THSD7B: variants seen among roughly 807,000 people sequenced by gnomAD.
THSD7B encodes thrombospondin type-1 domain-containing protein 7B.
In THSD7B, 138 loss-of-function variants were observed where a neutral mutation model predicts 213.6. The ratio of observed to expected loss-of-function variants is 0.65; its 90% CI spans 0.56 to 0.74. The LOEUF is 0.74. Ranked by LOEUF, THSD7B falls within the 30% of genes least tolerant of loss-of-function variation. The probability of loss-of-function intolerance (pLI) is 0.00; values close to 1 mark genes in which losing one functional copy is unlikely to be tolerated. For missense variants in THSD7B, 1,931 were observed against 1,991.5 expected (o/e 0.97, Z 0.58); for synonymous variants, 742 against 687.0 (o/e 1.08, Z -1.25).
At chr2:137,577,473 T>C (rs1681487560) in intron 17 of THSD7B, among the ~76,000 whole-genome samples, 1 of 152,136 alleles carries the variant, frequency 6.6e-6, no homozygotes, top group South Asian at 2.1e-4. Flanking sequence ...GCCCTCAATT[T>C]CCATCTGTCT....
intron 7 of THSD7B, among the ~76,000 whole-genome samples, chr2:137,186,609 T>C (rs926549376): frequency 6.6e-6 from 1 of 152,192 alleles, no homozygotes; most frequent in Non-Finnish European, 1.5e-5. Context: ...GTTTGATTAC[T>C]GTTGTCTTGT....
chr2:137,364,651 G>T (rs951359500), intron 12 of THSD7B, among the ~76,000 whole-genome samples: 2 of 152,116 alleles, frequency 1.3e-5, no homozygotes, highest in African/African-American at 4.8e-5. Context: ...CTGCTAGAAA[G>T]AGAATAAAAT....
intron 17 of THSD7B, among the ~76,000 whole-genome samples, chr2:137,586,605 G>GAA (rs1169224245): frequency 1.4e-4 from 22 of 152,130 alleles, no homozygotes; most frequent in African/African-American, 4.1e-4. Flanking sequence ...AGCTTAGTTT[G>GAA]GCTGGATATG....
chr2:137,461,429 C>T (rs764017091), intron 15 of THSD7B, among the ~76,000 whole-genome samples: 15 of 152,080 alleles, frequency 9.9e-5, no homozygotes, highest in Non-Finnish European at 2.1e-4. Flanking sequence ...CTCAACACTT[C>T]TCATCACAGC....
intron 7 of THSD7B, among the ~76,000 whole-genome samples, chr2:137,187,206 A>G (rs1680567476): frequency 6.6e-6 from 1 of 152,120 alleles, no homozygotes; most frequent in South Asian, 2.1e-4. Context: ...TTGTCTTAGG[A>G]ACTGCTCTGC....
At chr2:137,229,650 G>A (rs1421945143) in intron 7 of THSD7B, among the ~76,000 whole-genome samples, 1 of 152,060 alleles carries the variant, frequency 6.6e-6, no homozygotes, top group Non-Finnish European at 1.5e-5. Flanking sequence ...CTTGGAATTA[G>A]ACACAGCACG....
chr2:137,293,378 T>C (rs890352907), intron 12 of THSD7B, among the ~76,000 whole-genome samples: 1 of 152,070 alleles, frequency 6.6e-6, no homozygotes, highest in African/African-American at 2.4e-5. Flanking sequence ...GCTCAAGTGA[T>C]TTATCTGCCT....
intron 1 of THSD7B, among the ~76,000 whole-genome samples, chr2:136,820,419 A>T (rs987696205): frequency 6.6e-6 from 1 of 152,220 alleles, no homozygotes; most frequent in Non-Finnish European, 1.5e-5. Flanking sequence ...GGCACTGAGG[A>T]CATAGCATCA....
At chr2:136,784,397 T>C (rs912160984) in intron 1 of THSD7B, among the ~76,000 whole-genome samples, 16 of 152,230 alleles carry the variant, frequency 1.1e-4, no homozygotes, top group African/African-American at 3.9e-4. Flanking sequence ...CAGAAATGGC[T>C]AGGCACAGAT....
At chr2:137,067,987 A>T (rs893781573) in intron 3 of THSD7B, among the ~76,000 whole-genome samples, 1 of 152,068 alleles carries the variant, frequency 6.6e-6, no homozygotes, top group Non-Finnish European at 1.5e-5. Flanking sequence ...CTGAGCCTCC[A>T]GTAAGTTGTC....
intron 15 of THSD7B, among the ~76,000 whole-genome samples, chr2:137,465,643 C>G (rs923260286): frequency 1.1e-4 from 16 of 152,092 alleles, no homozygotes; most frequent in African/African-American, 3.9e-4. Flanking sequence ...TTCTTTCCTA[C>G]TTTGAATACA....
chr2:136,792,501 G>C (rs930345432), intron 1 of THSD7B, among the ~76,000 whole-genome samples: 1 of 151,946 alleles, frequency 6.6e-6, no homozygotes, highest in African/African-American at 2.4e-5. Flanking sequence ...GTGAACCCTG[G>C]TGTAAACGAT....
intron 15 of THSD7B, among the ~76,000 whole-genome samples, chr2:137,557,750 C>A (rs571042593): frequency 6.6e-6 from 1 of 152,070 alleles, no homozygotes; most frequent in South Asian, 2.1e-4. Flanking sequence ...CACAAAAAAC[C>A]CTTCAAAAAA....
At chr2:136,932,515 C>CTG in intron 2 of THSD7B, among the ~76,000 whole-genome samples, 1 of 105,530 alleles carries the variant, frequency 9.5e-6, no homozygotes, top group African/African-American at 2.8e-5. Context: ...CTACTGATAA[C>CTG]ATAAACAGTT....
At chr2:137,227,246 G>A (rs1048410513) in intron 7 of THSD7B, among the ~76,000 whole-genome samples, 38 of 152,146 alleles carry the variant, frequency 2.5e-4, no homozygotes, top group Admixed American at 1.8e-3. Context: ...CAAGTGACAC[G>A]GTCAAAGCAG....
chr2:137,110,119 G>A (rs890096122), intron 4 of THSD7B, among the ~76,000 whole-genome samples: 6 of 151,900 alleles, frequency 3.9e-5, no homozygotes, highest in African/African-American at 1.2e-4. Flanking sequence ...ATCTCTCCTC[G>A]TCCATCTCTC....
chr2:137,474,453 C>T (rs1375370156), intron 15 of THSD7B, among the ~76,000 whole-genome samples: 1 of 152,130 alleles, frequency 6.6e-6, no homozygotes, highest in Admixed American at 6.5e-5. Context: ...AATATGGAGA[C>T]CACATAGTCA....
chr2:137,451,241 GTAA>G (rs1282864698), intron 15 of THSD7B, among the ~76,000 whole-genome samples: 3 of 151,780 alleles, frequency 2.0e-5, no homozygotes, highest in Non-Finnish European at 4.4e-5. Flanking sequence ...ATCCTTAGTA[GTAA>G]TAATATTTAC....
intron 12 of THSD7B, among the ~76,000 whole-genome samples, chr2:137,311,523 A>G (rs1224323830): frequency 6.6e-6 from 1 of 151,974 alleles, no homozygotes; most frequent in Non-Finnish European, 1.5e-5. Context: ...ATTGCCCTGA[A>G]CAGAACTTCC....
Sources: gnomAD v4.1 joint callset for allele counts (sites outside exome capture counted in the v4.1 genomes callset) on GRCh38, gnomAD v4.1.1 for gene constraint, MANE v1.5 for transcripts, NCBI Gene and HGNC (gene_info 2026-07-23, HGNC 2026-07-21) for gene names.